CREB5: variants seen among roughly 807,000 people sequenced by gnomAD.
The protein encoded by CREB5 is cAMP responsive element binding protein 5, also known as cyclic AMP-responsive element-binding protein 5.
A neutral mutation model predicts 57.1 loss-of-function variants in CREB5; 19 were observed. The ratio of observed to expected loss-of-function variants is 0.33; its 90% CI spans 0.23 to 0.49. CREB5 has a LOEUF of 0.49. Among genes scored for constraint, CREB5 ranks in the 20% least tolerant of loss-of-function variants. CREB5 has a pLI of 0.99. For missense variants in CREB5, 579 were observed against 671.6 expected, an observed-to-expected ratio of 0.86 and a Z score of 1.52; for synonymous variants, 238 against 238.3, an observed-to-expected ratio of 1.00 and a Z score of 0.01.
chr7:28,448,856 G>A (rs749826882), intron 1 of CREB5, among the ~76,000 whole-genome samples: 1 of 152,226 alleles, frequency 6.6e-6, no homozygotes. Flanking sequence ...AGCCCAGAGG[G>A]GTTAAATGAC....
intron 4 of CREB5, among the ~76,000 whole-genome samples, chr7:28,510,700 C>T (rs573103588): frequency 2.7e-4 from 41 of 152,160 alleles, no homozygotes; most frequent in Non-Finnish European, 5.1e-4. Context: ...ATAGAATCAG[C>T]GCAGGCTGTA....
intron 4 of CREB5, among the ~76,000 whole-genome samples, chr7:28,560,925 CGT>C (rs1163419011): frequency 0.022 from 726 of 33,202 alleles, 56 homozygotes; most frequent in Middle Eastern, 0.091. Flanking sequence ...CGTGTGTGCG[CGT>C]GCGTGTGTGC....
intron 7 of CREB5, among the ~76,000 whole-genome samples, chr7:28,748,048 TG>T (rs1424657251): frequency 3.3e-5 from 5 of 152,258 alleles, no homozygotes; most frequent in African/African-American, 1.2e-4. Context: ...GCCATGTGGC[TG>T]GCTGCAGATT....
chr7:28,777,370 C>T (rs1290317204), intron 7 of CREB5, among the ~76,000 whole-genome samples: 2 of 152,092 alleles, frequency 1.3e-5, no homozygotes, highest in Non-Finnish European at 2.9e-5. Flanking sequence ...TTACATTAGC[C>T]TCAATTCGAT....
chr7:28,301,848 T>A (rs1785102883), intron 1 of CREB5, among the ~76,000 whole-genome samples: 1 of 152,316 alleles, frequency 6.6e-6, no homozygotes, highest in Admixed American at 6.5e-5. Context: ...CAGAAACAAT[T>A]GTTTAAAAAG....
At chr7:28,604,954 A>T (rs772593071) in intron 5 of CREB5, among the ~76,000 whole-genome samples, 9 of 152,132 alleles carry the variant, frequency 5.9e-5, no homozygotes, top group Non-Finnish European at 8.8e-5. Flanking sequence ...TCCAGTCACT[A>T]TGTGACAGCA....
At chr7:28,744,630 G>A (rs1246145823) in intron 7 of CREB5, among the ~76,000 whole-genome samples, 1 of 152,038 alleles carries the variant, frequency 6.6e-6, no homozygotes, top group Non-Finnish European at 1.5e-5. Context: ...TTACAGGCAT[G>A]AGCCACCATG....
chr7:28,635,130 A>G (rs1411142610), intron 5 of CREB5, among the ~76,000 whole-genome samples: 7 of 152,182 alleles, frequency 4.6e-5, no homozygotes, highest in Admixed American at 4.6e-4. Flanking sequence ...TAGAGAAGCT[A>G]GGAGGCCAAA....
intron 1 of CREB5, among the ~76,000 whole-genome samples, chr7:28,378,954 G>C (rs1050029305): frequency 6.6e-6 from 1 of 152,170 alleles, no homozygotes; most frequent in Non-Finnish European, 1.5e-5. Context: ...GACTGGCTTG[G>C]TGAAAGACTT....
chr7:28,519,884 C>G (rs538789976), intron 4 of CREB5, among the ~76,000 whole-genome samples: 1 of 152,228 alleles, frequency 6.6e-6, no homozygotes, highest in Non-Finnish European at 1.5e-5. Context: ...CAAACATAAC[C>G]AAATCACGTA....
intron 5 of CREB5, among the ~76,000 whole-genome samples, chr7:28,685,149 G>GA (rs1194593926): frequency 6.6e-6 from 1 of 152,174 alleles, no homozygotes; most frequent in Non-Finnish European, 1.5e-5. Flanking sequence ...CCCCTCCAGC[G>GA]AGTTGAGTTG....
intron 7 of CREB5, among the ~76,000 whole-genome samples, chr7:28,734,675 G>A (rs1803870630): frequency 6.6e-6 from 1 of 151,972 alleles, no homozygotes; most frequent in Non-Finnish European, 1.5e-5. Flanking sequence ...AGGATTAACA[G>A]GTCAAAGGGA....
chr7:28,456,738 G>T (rs1291417793), intron 1 of CREB5, among the ~76,000 whole-genome samples: 1 of 152,180 alleles, frequency 6.6e-6, no homozygotes, highest in Non-Finnish European at 1.5e-5. Flanking sequence ...CCTTAAATAT[G>T]GGTGTTGTGT....
intron 1 of CREB5, among the ~76,000 whole-genome samples, chr7:28,321,064 T>C (rs1437539064): frequency 6.6e-6 from 1 of 152,170 alleles, no homozygotes; most frequent in Non-Finnish European, 1.5e-5. Flanking sequence ...TCCTCATCTG[T>C]ACAATGGGGC....
chr7:28,606,489 T>A (rs1197303303), intron 5 of CREB5, among the ~76,000 whole-genome samples: 1 of 152,190 alleles, frequency 6.6e-6, no homozygotes, highest in Non-Finnish European at 1.5e-5. Flanking sequence ...GTGAGAACAG[T>A]CATCCATCCC....
chr7:28,464,493 TTGCGTGTGTG>T (rs961221217), intron 1 of CREB5, among the ~76,000 whole-genome samples: 7 of 107,830 alleles, frequency 6.5e-5, no homozygotes, highest in East Asian at 2.6e-4. Context: ...TTGTGGAAAG[TTGCGTGTGTG>T]TGTGTGTGTG....
chr7:28,729,721 T>C (rs1353548198), intron 7 of CREB5, among the ~76,000 whole-genome samples: 1 of 136,614 alleles, frequency 7.3e-6, no homozygotes, highest in East Asian at 1.9e-4. Context: ...AGTCCAGGAA[T>C]AAAAAGCAAT....
intron 5 of CREB5, among the ~76,000 whole-genome samples, chr7:28,699,056 G>A (rs1241733557): frequency 6.6e-6 from 1 of 152,130 alleles, no homozygotes; most frequent in African/African-American, 2.4e-5. Context: ...GGAAGCCATG[G>A]GCTGGGCCAT....
At chr7:28,804,557 T>G in intron 8 of CREB5, 35 bp downstream of exon 8, 1 of 1,604,084 alleles carries the variant, frequency 6.2e-7, no homozygotes, top group Admixed American at 1.7e-5. Flanking sequence ...CCCCTTCTTA[T>G]TCTCCTTCTT....
Sources: gnomAD v4.1 joint callset for allele counts (sites outside exome capture counted in the v4.1 genomes callset) on GRCh38, gnomAD v4.1.1 for gene constraint, MANE v1.5 for transcripts, NCBI Gene and HGNC (gene_info 2026-07-23, HGNC 2026-07-21) for gene names.